The following COL4A3 variants were observed in gnomAD, a reference collection of about 807,000 sequenced individuals.
The protein encoded by COL4A3 is collagen alpha-3(IV) chain.
A neutral mutation model predicts 217.4 loss-of-function variants in COL4A3; 135 were observed. The ratio of observed to expected loss-of-function variants is 0.62; its 90% CI spans 0.54 to 0.72. COL4A3 has a LOEUF of 0.72. Ranked by LOEUF, COL4A3 falls within the 30% of genes least tolerant of loss-of-function variation. The probability of loss-of-function intolerance (pLI) is 0.00; values close to 1 mark genes in which losing one functional copy is unlikely to be tolerated. For synonymous variants in COL4A3, 690 were observed against 736.3 expected (o/e 0.94, Z 1.02); for missense variants, 1,868 against 2,119.9 (o/e 0.88, Z 2.33).
chr2:227,303,896 A>C lies in COL4A3; in HGVS notation c.3993A>C (p.Gly1331=). Residue 1331 remains glycine (G), a synonymous_variant, in exon 45 of 52, where the codon GGA becomes GGC. Coordinates refer to ENST00000396578, the MANE Select transcript of COL4A3 (RefSeq NM_000091.5). ...KGNPGFLGSI[G]PPGPIGPKGP... The stretch of plus-strand genomic sequence containing the variant: ...ATCCTGGATTTCTAGGATCCATTGG[A>C]CCTCCAGGACCAATTGGGCCAAAAG... 1 of 1,614,172 alleles carries C rather than the reference A, an allele frequency of 6.2e-7. No individual in the cohort carries two copies. Among genetic ancestry groups the C allele is most frequent in the South Asian group, 1.1e-5 (1 of 91,076 alleles).
intron 43 of COL4A3, among the ~76,000 whole-genome samples, chr2:227,302,704 A>AAAAAAAAAAAAC (rs2073345582): frequency 6.9e-6 from 1 of 145,716 alleles, no homozygotes; most frequent in Non-Finnish European, 1.5e-5. Flanking sequence ...AAAAAAAAAA[A>AAAAAAAAAAAAC]AATCATTCTG....
At chr2:227,178,591 G>A (rs1174090882) in intron 1 of COL4A3, among the ~76,000 whole-genome samples, 2 of 151,984 alleles carry the variant, frequency 1.3e-5, no homozygotes, top group Admixed American at 1.3e-4. Context: ...GGAGTGTAGT[G>A]GTATCATATT....
rs1307804666 is a variant in COL4A3, at chr2:227,308,899, G to C, written c.4463G>C (p.Gly1488Ala). The change falls in exon 49 of 52, where the codon GGA becomes GCA. Residue 1488 changes from glycine to alanine, a missense_variant and splice_region_variant. Gly to Ala is a moderately conservative substitution (Grantham distance 60). Transcript: ENST00000396578. ...GATACTCAGTCTGATGTTTCATTAG[G>C]AACTCTTGGCAGCTGCCTGCAGCGA... ...GNQRAHGQDL[G>A]TLGSCLQRFT... 6.2e-7 allele frequency: 1 copy of C among 1,613,692 alleles called. No individual in the cohort carries two copies. Among genetic ancestry groups the C allele is most frequent in the Admixed American group, 1.7e-5 (1 of 60,028 alleles).
intron 1 of COL4A3, among the ~76,000 whole-genome samples, chr2:227,217,248 T>A (rs1180828708): frequency 6.6e-6 from 1 of 152,194 alleles, no homozygotes; most frequent in African/African-American, 2.4e-5. Context: ...CACCCCATGA[T>A]TCAATTATCT....
At chr2:227,168,006 A>G (rs1460906964) in intron 1 of COL4A3, among the ~76,000 whole-genome samples, 2 of 151,906 alleles carry the variant, frequency 1.3e-5, no homozygotes, top group African/African-American at 4.8e-5. Context: ...GCTTTTTATC[A>G]CTCCATATTA....
chr2:227,232,001 T>G (rs2068434739), intron 1 of COL4A3, among the ~76,000 whole-genome samples: 1 of 152,206 alleles, frequency 6.6e-6, no homozygotes, highest in Non-Finnish European at 1.5e-5. Context: ...CTACTCTTTA[T>G]GTCCCTGAGT....
intron 1 of COL4A3, among the ~76,000 whole-genome samples, chr2:227,218,136 T>C (rs1384917815): frequency 6.7e-6 from 1 of 148,594 alleles, no homozygotes; most frequent in Non-Finnish European, 1.5e-5. Flanking sequence ...GCTAAACCCC[T>C]TTTTAAGGTT....
chr2:227,188,127 G>A (rs948235108), intron 1 of COL4A3, among the ~76,000 whole-genome samples: 1 of 151,980 alleles, frequency 6.6e-6, no homozygotes, highest in Non-Finnish European at 1.5e-5. Context: ...GATATTTTCT[G>A]ATTGTTCTAC....
chr2:227,266,981 C>T lies in COL4A3; in HGVS notation c.1409-12C>T, dbSNP rs2125982337. 1 of 1,582,742 alleles carries T rather than the reference C, an allele frequency of 6.3e-7. No homozygotes were observed. Among genetic ancestry groups the T allele is most frequent in the Non-Finnish European group, 8.7e-7 (1 of 1,151,684 alleles). ...TAGCTTTTTAAGTAATGCTAGTATG[C>T]TCTCATTGCAGGAGAACCAGGCCTC... On this transcript the variant is annotated splice_polypyrimidine_tract_variant and intron_variant, in intron 22 of 51. Transcript: ENST00000396578.
Position 227,293,258 on chromosome 2 carries a change from AT to A in COL4A3, c.3281del (p.Leu1094TrpfsTer60). On this transcript the variant is annotated frameshift_variant, in exon 38 of 52. Transcript: ENST00000396578. LOFTEE classifies it high-confidence loss of function. Reference sequence around the variant, plus strand: ...ATGGGGCAACCTGGCCCACCTGGACATTTGGGGCCTGCTGGACCTGAGGGAG... The same window carrying A: ...ATGGGGCAACCTGGCCCACCTGGACATTGGGGCCTGCTGGACCTGAGGGAG... ...GEMGQPGPPG[H>X]LGPAGPEGAP... 1 of 1,613,888 alleles carries A rather than the reference AT, an allele frequency of 6.2e-7. No individual in the cohort carries two copies. The highest frequency in any genetic ancestry group is 1.1e-5 in the South Asian group (1 of 91,066).
intron 47 of COL4A3, among the ~76,000 whole-genome samples, chr2:227,307,080 T>G (rs1357412946): frequency 6.6e-6 from 1 of 152,066 alleles, no homozygotes; most frequent in African/African-American, 2.4e-5. Flanking sequence ...GTATAGAAAG[T>G]TTTTCTCCAC....
chr2:227,248,609 C>G (rs1201740888), intron 9 of COL4A3, 89 bp downstream of exon 9: 17 of 835,198 alleles, frequency 2.0e-5, no homozygotes, highest in Non-Finnish European at 3.5e-5. Context: ...CTCTCTTTTC[C>G]CCCATAAGTC....
At position 227,282,293 on chromosome 2, in the gene COL4A3, T is replaced by C; in HGVS notation, c.2489-72T>C. ...TCTTAAAAATATATATATATATATA[T>C]ATATATATTTCTGAAGTTAGTAGGG... On this transcript the variant is annotated intron_variant, in intron 31 of 51. Transcript: ENST00000396578. This position sits in a 1 kb window ranked among gnomAD's most constrained non-coding sequence, Gnocchi z 4.4. 3 of 738,548 alleles carry C rather than the reference T, an allele frequency of 4.1e-6. No homozygotes were observed. The highest frequency in any genetic ancestry group is 6.4e-6 in the Non-Finnish European group (3 of 466,586). The allele number at this position is 738,548 out of a possible 1,614,324, so 45.7% of individuals were successfully genotyped here.
intron 1 of COL4A3, among the ~76,000 whole-genome samples, chr2:227,219,997 C>T (rs1465207791): frequency 1.3e-5 from 2 of 151,900 alleles, no homozygotes; most frequent in Admixed American, 1.3e-4. Flanking sequence ...CTTCACCTTC[C>T]CTGGGGCCTG....
Position 227,312,026 on chromosome 2 carries a change from T to C in COL4A3, c.*156T>C, listed in dbSNP as rs2073760837. 2.2e-6 allele frequency: 3 copies of C among 1,360,966 alleles called. No homozygotes were observed. Among genetic ancestry groups the C allele is most frequent in the Non-Finnish European group, 3.0e-6 (3 of 989,402 alleles). 84.3% of individuals were successfully genotyped at this position (1,360,966 alleles called of 1,614,324 possible). A position where few individuals can be genotyped will look rare whatever the true frequency, so the allele number is the denominator to read the frequency against. ...TTTGTTTCCCCACAAAACAAAGCAATTCTTTCAAGTCAGTTCTGTGATCTG... is the reference window on the plus strand; with the variant it reads ...TTTGTTTCCCCACAAAACAAAGCAACTCTTTCAAGTCAGTTCTGTGATCTG... On this transcript the variant is annotated 3_prime_UTR_variant, in exon 52 of 52. Coordinates refer to ENST00000396578, the MANE Select transcript of COL4A3 (RefSeq NM_000091.5).
chr2:227,216,950 T>C (rs2067549344), intron 1 of COL4A3, among the ~76,000 whole-genome samples: 1 of 152,186 alleles, frequency 6.6e-6, no homozygotes, highest in Admixed American at 6.5e-5. Flanking sequence ...TGTGTCCAAA[T>C]GGTATCCTGT....
intron 1 of COL4A3, among the ~76,000 whole-genome samples, chr2:227,234,180 G>A (rs1382098444): frequency 6.6e-6 from 1 of 152,088 alleles, no homozygotes; most frequent in African/African-American, 2.4e-5. Context: ...TGTATGTGGA[G>A]AGAGAGAAAG....
At position 227,277,333 on chromosome 2, in the gene COL4A3, A is replaced by T. The variant is rs989345430; in HGVS notation, c.2021-116A>T. On this transcript the variant is annotated intron_variant, in intron 27 of 51. Coordinates refer to ENST00000396578, the MANE Select transcript of COL4A3 (RefSeq NM_000091.5). ...AACTCCATCAACAGGAAAAAAAAAA[A>T]AAAAAAACAATGTGCAAAAGGGATA... is the stretch of plus-strand genomic sequence containing the variant. The T allele has an allele frequency of 5.4e-6, 4 of 734,448 alleles. No individual in the cohort carries two copies. In the African/African-American group the frequency reaches 7.2e-5, roughly 13 times the overall value. The allele number at this position is 734,448 out of a possible 1,614,324, so 45.5% of individuals were successfully genotyped here.
intron 11 of COL4A3, among the ~76,000 whole-genome samples, chr2:227,251,794 C>T (rs1283516174): frequency 2.0e-5 from 3 of 152,072 alleles, no homozygotes; most frequent in African/African-American, 4.8e-5. Context: ...CCAGCCCAGG[C>T]GCATTGGTTC....
Sources: allele counts gnomAD v4.1 joint callset (sites outside exome capture counted in the v4.1 genomes callset), GRCh38; gene constraint gnomAD v4.1.1; non-coding constraint Gnocchi (gnomAD v3.1); transcripts MANE v1.5; gene names NCBI Gene and HGNC (gene_info 2026-07-23, HGNC 2026-07-21).